MICALL2: variants seen among roughly 807,000 people sequenced by gnomAD.
MICALL2 encodes MICAL-like protein 2.
Under a neutral mutation model 91.1 loss-of-function variants are expected in MICALL2, and 111 were observed. That is an observed-to-expected ratio of 1.22 (90% CI 1.04 to 1.43). The LOEUF (loss-of-function observed/expected upper bound fraction) is 1.43. Ranked by LOEUF, MICALL2 falls within the 40% of genes most tolerant of loss-of-function variation. The probability of loss-of-function intolerance (pLI) is 0.00; values close to 1 mark genes in which losing one functional copy is unlikely to be tolerated. For synonymous variants in MICALL2, 694 were observed against 525.3 expected (o/e 1.32, Z -4.39); for missense variants, 1,556 against 1,236.0 (o/e 1.26, Z -3.88).
chr7:1,438,075 A>AGGGCC, intron 12 of MICALL2, 22 bp downstream of exon 12: 2 of 1,570,546 alleles, frequency 1.3e-6, no homozygotes, highest in Non-Finnish European at 1.7e-6. Flanking sequence ...GGGCTGGCCC[A>AGGGCC]GGGCCAGGCC....
At chr7:1,442,154 G>C in intron 7 of MICALL2, 38 bp downstream of exon 7, 1 of 1,604,412 alleles carries the variant, frequency 6.2e-7, no homozygotes, top group Non-Finnish European at 8.5e-7. Context: ...CAGAGCTGCG[G>C]GCCCCCGGGG....
intron 1 of MICALL2, 51 bp from the exon 2 acceptor site, chr7:1,450,339 G>A (rs1468879094): frequency 2.0e-6 from 3 of 1,492,744 alleles, no homozygotes; most frequent in African/African-American, 1.4e-5. Context: ...CACGAAGGGA[G>A]GGGCTGGAGG....
rs1363394163 is a variant in MICALL2 at position 1,451,338 on chromosome 7, C to T, written c.144-1050G>A. ...GACAAAAACCACCAGGCTCCCAGCA[C>T]GGGCTGCGGCTTCTGGGAGGGAGGG... On this transcript the variant is annotated intron_variant, in intron 1 of 16. Coordinates refer to ENST00000297508, the MANE Select transcript of MICALL2 (RefSeq NM_182924.4). This position sits in a 1 kb window ranked among gnomAD's most constrained non-coding sequence, Gnocchi z 4.5. 2.0e-5 allele frequency among the ~76,000 whole-genome samples: 3 copies of T among 152,112 alleles called. No homozygotes were observed. Among genetic ancestry groups the T allele is most frequent in the Non-Finnish European group, 2.9e-5 (2 of 68,012 alleles).
chr7:1,440,350 G>A (rs1413979786), intron 8 of MICALL2: 4 of 618,456 alleles, frequency 6.5e-6, no homozygotes, highest in African/African-American at 3.7e-5. Context: ...CACCCCAGCT[G>A]CAGGCATGGT....
chr7:1,438,810 C>A, intron 10 of MICALL2, 30 bp downstream of exon 10: 2 of 1,577,716 alleles, frequency 1.3e-6, no homozygotes, highest in African/African-American at 1.3e-5. Flanking sequence ...CACGTACACC[C>A]CAAACAGCAG....
At chr7:1,446,536 A>AGGGGAGGAGG (rs1196364514) in intron 5 of MICALL2, 177 bp downstream of exon 5, 36 of 490,372 alleles carry the variant, frequency 7.3e-5, no homozygotes, top group Non-Finnish European at 1.2e-4. Context: ...AGGGGAGGAG[A>AGGGGAGGAGG]GGGGAGGAGG....
chr7:1,455,520 C>CTG (rs1554270345), intron 1 of MICALL2, among the ~76,000 whole-genome samples: 1 of 152,088 alleles, frequency 6.6e-6, no homozygotes. Flanking sequence ...TGTTTCCTGG[C>CTG]CGTAAAGCGG....
intron 9 of MICALL2, 191 bp from the exon 10 acceptor site, chr7:1,439,186 G>A (rs899664349): frequency 1.4e-5 from 8 of 565,016 alleles, no homozygotes; most frequent in African/African-American, 9.5e-5. Context: ...GTCTCCCCAG[G>A]GGGCTAACCC....
At chr7:1,450,919 G>A (rs1408286692) in intron 1 of MICALL2, among the ~76,000 whole-genome samples, 4 of 152,178 alleles carry the variant, frequency 2.6e-5, no homozygotes, top group African/African-American at 7.2e-5. Flanking sequence ...GCTCACACCC[G>A]ACCTGTGGAG....
rs1272550949 is a variant in MICALL2, at chr7:1,437,321, A to G, written c.2476+214T>C. ...TGCTACAAGCATCCTCACTTTGCAG[A>G]GGATGAAACCCAAGCACAGCAAGGT... On this transcript the variant is annotated intron_variant, in intron 14 of 16. Transcript: ENST00000297508. 15 of 496,246 alleles carry G rather than the reference A, an allele frequency of 3.0e-5. No individual in the cohort carries two copies. The Admixed American group carries it at 5.6e-4, about 18-fold the overall frequency. 30.7% of individuals were successfully genotyped at this position (496,246 alleles called of 1,614,324 possible).
At chr7:1,437,373 C>CAAGGTTAAGTA in intron 14 of MICALL2, 162 bp downstream of exon 14, 1 of 634,190 alleles carries the variant, frequency 1.6e-6, no homozygotes, top group Non-Finnish European at 2.6e-6. Context: ...GGACACACAG[C>CAAGGTTAAGTA]CAGGAGGTGG....
chr7:1,434,695 G>GGCC, intron 16 of MICALL2, 23 bp from the exon 17 acceptor site: 2 of 1,534,352 alleles, frequency 1.3e-6, no homozygotes, highest in Non-Finnish European at 1.7e-6. Context: ...TGGACAGTGA[G>GGCC]GCCGTGCTCA....
Position 1,442,476 on chromosome 7 carries a change from G to C in MICALL2, c.1427C>G (p.Pro476Arg). Residue 476 changes from proline (P) to arginine (R), a missense_variant, in exon 7 of 17, where the codon CCA becomes CGA. Coordinates refer to ENST00000297508, the MANE Select transcript of MICALL2 (RefSeq NM_182924.4). ...AGAPAPGRPS[P>R]ATAAVPSSQP... ...AGAACTGGGAACAGCGGCAGTGGCT[G>C]GGGAGGGCCTATAAGTAAAAGCGCA... The C allele has an allele frequency of 6.5e-7, 1 of 1,530,372 alleles. No individual in the cohort carries two copies. The highest frequency in any genetic ancestry group is 8.8e-7 in the Non-Finnish European group (1 of 1,138,150). 94.8% of individuals were successfully genotyped at this position (1,530,372 alleles called of 1,614,324 possible).
chr7:1,450,503 A>T, intron 1 of MICALL2: 1 of 559,336 alleles, frequency 1.8e-6, no homozygotes, highest in Non-Finnish European at 3.3e-6. Flanking sequence ...GTACGACATC[A>T]GACGGCCCCA....
At chr7:1,435,866 A>G (rs1258340634) in intron 15 of MICALL2, among the ~76,000 whole-genome samples, 2 of 151,856 alleles carry the variant, frequency 1.3e-5, no homozygotes, top group East Asian at 1.9e-4. Flanking sequence ...CCTGGCTAAC[A>G]TGGGGAAACC....
In MICALL2 at chr7:1,448,679, C is replaced by T. The variant is rs377006392; in HGVS notation, c.275G>A (p.Arg92Gln). The T allele has an allele frequency of 6.6e-5, 106 of 1,612,678 alleles. No homozygotes were observed. The highest frequency in any genetic ancestry group is 4.2e-4 in the Admixed American group (25 of 60,016). Reference sequence around the variant, plus strand: ...GGACACGTAGGTCAAGATGCTCAGCCGGTCAGGCACCTTCAAGGCCACCAT... The same window carrying T: ...GGACACGTAGGTCAAGATGCTCAGCTGGTCAGGCACCTTCAAGGCCACCAT... ...EDMVALKVPD[R>Q]LSILTYVSQY... Residue 92 changes from arginine (R) to glutamine (Q), a missense_variant, in exon 3 of 17, where the codon CGG (arginine) becomes CAG (glutamine). Transcript: ENST00000297508.
In MICALL2 at chr7:1,439,469, A is replaced by G. The variant is rs554410175; in HGVS notation, c.1966+456T>C. 3.8e-5 allele frequency: 7 copies of G among 186,480 alleles called. No homozygotes were observed. In the East Asian group the frequency reaches 1.0e-3, roughly 27 times the overall value. 11.6% of individuals were successfully genotyped at this position (186,480 alleles called of 1,614,324 possible). On this transcript the variant is annotated intron_variant, in intron 9 of 16. Coordinates refer to ENST00000297508, the MANE Select transcript of MICALL2 (RefSeq NM_182924.4). ...ACACATGCATCGCACATGAACACAG[A>G]TGTACACATGGACACATGCATCACG...
rs375933832 is a variant in MICALL2 at position 1,434,965 on chromosome 7, GA to G, written c.2638+135del. The G allele has an allele frequency of 2.7e-5, 26 of 968,758 alleles. 1 individual carries two copies. The African/African-American group carries it at 2.9e-4, about 11-fold the overall frequency. 60.0% of individuals were successfully genotyped at this position (968,758 alleles called of 1,614,324 possible). On this transcript the variant is annotated intron_variant, in intron 16 of 16. Transcript: ENST00000297508. ...ACCTGCCTGTCCTGTCACCAAGGCT[GA>G]GGGGGGGACCCGATACCCGCCCCCC...
chr7:1,439,940 C>T lies in MICALL2; in HGVS notation c.1951G>A (p.Gly651Arg), dbSNP rs762462940. Residue 651 changes from glycine (G) to arginine (R), a missense_variant, in exon 9 of 17, where the codon GGA becomes AGA. Coordinates refer to ENST00000297508, the MANE Select transcript of MICALL2 (RefSeq NM_182924.4). ...CCAGGAGTACCTGGGAGGCTGGGTC[C>T]TGGGCTGGCTGGGCGTGGGGTCCTG... ...PDRTPRPASP[G>R]PSLPARSPSP... The T allele has an allele frequency of 1.4e-5, 21 of 1,484,682 alleles. No individual in the cohort carries two copies. The highest frequency in any genetic ancestry group is 1.8e-5 in the Non-Finnish European group (20 of 1,125,670). The allele number at this position is 1,484,682 out of a possible 1,614,324, so 92.0% of individuals were successfully genotyped here.
Sources: gnomAD v4.1 joint callset for allele counts (sites outside exome capture counted in the v4.1 genomes callset) on GRCh38, gnomAD v4.1.1 for gene constraint, Gnocchi (gnomAD v3.1) non-coding constraint, MANE v1.5 for transcripts, NCBI Gene and HGNC (gene_info 2026-07-23, HGNC 2026-07-21) for gene names.